FBXO11: variants seen among roughly 807,000 people sequenced by gnomAD.
The protein encoded by FBXO11 is F-box only protein 11.
A neutral mutation model predicts 117.0 loss-of-function variants in FBXO11; 13 were observed. That is an observed-to-expected ratio of 0.11 (90% CI 0.07 to 0.18). The LOEUF is 0.18. FBXO11 is among the 10% of genes least tolerant of loss of function. The probability of loss-of-function intolerance (pLI) is 1.00; values close to 1 mark genes in which losing one functional copy is unlikely to be tolerated. For synonymous variants in FBXO11, 490 were observed against 380.5 expected (o/e 1.29, Z -3.35); for missense variants, 767 against 1,164.4 (o/e 0.66, Z 4.97).
At chr2:47,828,256 C>T (rs1455630324) in intron 11 of FBXO11, among the ~76,000 whole-genome samples, 1 of 152,198 alleles carries the variant, frequency 6.6e-6, no homozygotes, top group Non-Finnish European at 1.5e-5. Flanking sequence ...GCTGGGATTA[C>T]AGGTGTGAGC....
intron 1 of FBXO11, among the ~76,000 whole-genome samples, chr2:47,865,481 A>G (rs958190219): frequency 6.6e-6 from 1 of 152,250 alleles, no homozygotes; most frequent in South Asian, 2.1e-4. Flanking sequence ...CTGTGTTTAC[A>G]GACTGCAGAC....
At chr2:47,897,270 T>C (rs1677740643) in intron 1 of FBXO11, among the ~76,000 whole-genome samples, 1 of 152,232 alleles carries the variant, frequency 6.6e-6, no homozygotes, top group African/African-American at 2.4e-5. Context: ...AAAGAATTAT[T>C]GTATCTAAAC....
intron 1 of FBXO11, among the ~76,000 whole-genome samples, chr2:47,902,685 C>CA (rs1553363217): frequency 2.6e-5 from 4 of 152,136 alleles, no homozygotes; most frequent in Non-Finnish European, 5.9e-5. Flanking sequence ...ACCATTCTGA[C>CA]AGACTTTTTG....
chr2:47,819,185 TC>T, intron 14 of FBXO11, 107 bp from the exon 15 acceptor site: 2 of 1,062,456 alleles, frequency 1.9e-6, no homozygotes, highest in Non-Finnish European at 2.7e-6. Flanking sequence ...TTTTGTTTTT[TC>T]ATCCGAGTAA....
chr2:47,879,731 A>G (rs1172154172), intron 1 of FBXO11, among the ~76,000 whole-genome samples: 1 of 152,210 alleles, frequency 6.6e-6, no homozygotes. Context: ...AAGTTTTACC[A>G]GTTTTGCTGA....
intron 4 of FBXO11, among the ~76,000 whole-genome samples, chr2:47,836,331 T>C (rs1439721647): frequency 1.3e-5 from 2 of 152,218 alleles, no homozygotes; most frequent in African/African-American, 4.8e-5. Context: ...TTTTCACATT[T>C]AAAATTTTCA....
chr2:47,863,833 T>C (rs1674980404), intron 1 of FBXO11, among the ~76,000 whole-genome samples: 1 of 151,562 alleles, frequency 6.6e-6, no homozygotes, highest in African/African-American at 2.4e-5. Context: ...CCCAGCTAAT[T>C]GGGAGGTTGA....
chr2:47,835,014 T>C (rs946906767), intron 5 of FBXO11, 143 bp from the exon 6 acceptor site: 8 of 665,094 alleles, frequency 1.2e-5, no homozygotes, highest in South Asian at 4.1e-5. Flanking sequence ...CAGAGTACAA[T>C]GTAAAATCTA....
chr2:47,860,137 G>A (rs543248001), intron 1 of FBXO11, among the ~76,000 whole-genome samples: 3 of 152,144 alleles, frequency 2.0e-5, no homozygotes, highest in Non-Finnish European at 4.4e-5. Context: ...ATGGGTTTTA[G>A]AACTATGCTA....
chr2:47,822,146 G>A, intron 13 of FBXO11, 72 bp downstream of exon 13: 1 of 1,048,282 alleles, frequency 9.5e-7, no homozygotes, highest in Non-Finnish European at 1.4e-6. Context: ...GTTTCAAAAT[G>A]TTCCATCATT....
rs367907565 is a variant in FBXO11 at position 47,822,737 on chromosome 2, T to C, written c.1616+406A>G. Reference sequence around the variant, plus strand: ...TGCAGTTTTTGACTTTTTGATAATTTTAGTCTTTCTGGCCAAGAATCTTTG... The same window carrying C: ...TGCAGTTTTTGACTTTTTGATAATTCTAGTCTTTCTGGCCAAGAATCTTTG... On this transcript the variant is annotated intron_variant, in intron 12 of 22. Transcript: ENST00000403359. 2.4e-3 allele frequency among the ~76,000 whole-genome samples: 360 copies of C among 152,334 alleles called. 2 individuals carry two copies. The highest frequency in any genetic ancestry group is 8.1e-3 in the South Asian group (39 of 4,822).
At chr2:47,832,258 A>G (rs1260648190) in intron 11 of FBXO11, 91 bp downstream of exon 11, 1 of 1,080,934 alleles carries the variant, frequency 9.3e-7, no homozygotes, top group African/African-American at 1.6e-5. Flanking sequence ...TTCAATTCAG[A>G]TAATTTGGTG....
intron 14 of FBXO11, among the ~76,000 whole-genome samples, chr2:47,819,967 A>C (rs1489834758): frequency 1.3e-5 from 2 of 152,216 alleles, no homozygotes; most frequent in Non-Finnish European, 2.9e-5. Flanking sequence ...TTTTAACATA[A>C]ATTCAAATGA....
At position 47,834,707 on chromosome 2, in the gene FBXO11, T is replaced by C; in HGVS notation, c.806A>G (p.Tyr269Cys). 6.2e-7 allele frequency: 1 copy of C among 1,608,668 alleles called. No homozygotes were observed. Among genetic ancestry groups the C allele is most frequent in the Non-Finnish European group, 8.5e-7 (1 of 1,178,488 alleles). Residue 269 changes from tyrosine (Y) to cysteine (C), a missense_variant, in exon 7 of 23, where the codon TAT becomes TGT. Around this residue, in one of 10 missense-constraint regions of FBXO11, gnomAD observed 32 missense variants for 48.4 expected, o/e 0.66. Coordinates refer to ENST00000403359, the MANE Select transcript of FBXO11 (RefSeq NM_001190274.2). The stretch of plus-strand genomic sequence containing the variant: ...ACCAAGGGCATCTTCAATAGTATCA[T>C]AATACTAGAAAAAAATAAATGTGTC... ...RYKGRENMLY[Y>C]DTIEDALGGV...
chr2:47,860,662 C>T (rs1349579598), intron 1 of FBXO11, among the ~76,000 whole-genome samples: 1 of 151,626 alleles, frequency 6.6e-6, no homozygotes, highest in Non-Finnish European at 1.5e-5. Flanking sequence ...CTGCCTCGGC[C>T]TCCCAAAGTG....
chr2:47,860,751 G>A (rs1674701954), intron 1 of FBXO11, among the ~76,000 whole-genome samples: 1 of 150,092 alleles, frequency 6.7e-6, no homozygotes, highest in Non-Finnish European at 1.5e-5. Context: ...TTTCCCTGCA[G>A]GAGAGAGAGA....
chr2:47,869,085 T>A (rs1675415864), intron 1 of FBXO11, among the ~76,000 whole-genome samples: 1 of 152,208 alleles, frequency 6.6e-6, no homozygotes, highest in Non-Finnish European at 1.5e-5. Context: ...AGACTGTGTG[T>A]TCTGAATCAG....
chr2:47,851,530 T>G (rs1424268812), intron 1 of FBXO11, among the ~76,000 whole-genome samples: 1 of 152,072 alleles, frequency 6.6e-6, no homozygotes, highest in Non-Finnish European at 1.5e-5. Flanking sequence ...CCTGGCCTAT[T>G]AATTTTCATC....
chr2:47,820,980 A>T (rs1671338632), intron 13 of FBXO11, among the ~76,000 whole-genome samples: 1 of 152,240 alleles, frequency 6.6e-6, no homozygotes, highest in African/African-American at 2.4e-5. Flanking sequence ...AATGTTCCTA[A>T]AACTTTAATG....
Sources: gnomAD v4.1 joint callset for allele counts (sites outside exome capture counted in the v4.1 genomes callset) on GRCh38, gnomAD v4.1.1 for gene constraint, gnomAD v4.1.1 regional missense constraint, MANE v1.5 for transcripts, NCBI Gene and HGNC (gene_info 2026-07-23, HGNC 2026-07-21) for gene names.